Variants in UNC13C observed in about 807,000 individuals in gnomAD.
UNC13C encodes unc-13 homolog C.
UNC13C carries 174 observed loss-of-function variants against 245.4 expected under a neutral mutation model. The ratio of observed to expected loss-of-function variants is 0.71; its 90% CI spans 0.63 to 0.80. UNC13C has a LOEUF of 0.80. Ranked by LOEUF, UNC13C falls within the 30% of genes least tolerant of loss-of-function variation. The probability of loss-of-function intolerance (pLI) is 0.00; values close to 1 mark genes in which losing one functional copy is unlikely to be tolerated. For synonymous variants in UNC13C, 992 were observed against 895.1 expected (o/e 1.11, Z -1.93); for missense variants, 2,829 against 2,602.9 (o/e 1.09, Z -1.89).
chr15:54,589,149 G>GT (rs1211684413), intron 30 of UNC13C, among the ~76,000 whole-genome samples: 1 of 151,882 alleles, frequency 6.6e-6, no homozygotes, highest in African/African-American at 2.4e-5. Context: ...AACATCTACT[G>GT]TTTTTTTATT....
intron 4 of UNC13C, among the ~76,000 whole-genome samples, chr15:54,197,528 A>C (rs1450843878): frequency 2.6e-5 from 4 of 152,044 alleles, no homozygotes; most frequent in African/African-American, 9.7e-5. Flanking sequence ...AATATACAAA[A>C]CTCAATTGCA....
chr15:54,437,301 G>C (rs1303020645), intron 19 of UNC13C, among the ~76,000 whole-genome samples: 1 of 151,932 alleles, frequency 6.6e-6, no homozygotes, highest in African/African-American at 2.4e-5. Context: ...CAGCTGGCAA[G>C]CTTTACATAC....
At chr15:54,460,359 C>T (rs1020086950) in intron 19 of UNC13C, among the ~76,000 whole-genome samples, 2 of 152,176 alleles carry the variant, frequency 1.3e-5, no homozygotes, top group Non-Finnish European at 2.9e-5. Context: ...TGCTGGTTTT[C>T]TTGAATGCTG....
chr15:54,267,439 T>C (rs1303558246), intron 10 of UNC13C, among the ~76,000 whole-genome samples: 2 of 152,094 alleles, frequency 1.3e-5, no homozygotes, highest in Admixed American at 6.5e-5. Context: ...ACTATGGTAT[T>C]AGCTGTAGCT....
intron 17 of UNC13C, among the ~76,000 whole-genome samples, chr15:54,369,760 A>G (rs1402301924): frequency 6.6e-6 from 1 of 152,170 alleles, no homozygotes; most frequent in African/African-American, 2.4e-5. Flanking sequence ...GTCAACTTGC[A>G]TGCTATAAAG....
chr15:54,051,370 C>CT (rs1160810173), intron 2 of UNC13C, among the ~76,000 whole-genome samples: 1 of 151,970 alleles, frequency 6.6e-6, no homozygotes, highest in Non-Finnish European at 1.5e-5. Flanking sequence ...AAAAAGTGTA[C>CT]TTTTTTTATC....
the UNC13C span, among the ~76,000 whole-genome samples, chr15:53,850,585 T>C: frequency 6.6e-6 from 1 of 152,318 alleles, no homozygotes; most frequent in African/African-American, 2.4e-5. Context: ...CAATGTCTTT[T>C]ATTTCTGGCT....
intron 14 of UNC13C, among the ~76,000 whole-genome samples, chr15:54,324,347 A>T (rs1336063691): frequency 2.0e-5 from 3 of 152,054 alleles, no homozygotes; most frequent in Non-Finnish European, 4.4e-5. Context: ...ACACATTTTG[A>T]GACTCCAAAC....
intron 1 of UNC13C, among the ~76,000 whole-genome samples, chr15:54,010,610 G>A (rs1895339162): frequency 6.6e-6 from 1 of 152,146 alleles, no homozygotes; most frequent in Non-Finnish European, 1.5e-5. Flanking sequence ...GCTTATGGGA[G>A]TGACAGAAAA....
intron 1 of UNC13C, among the ~76,000 whole-genome samples, chr15:54,008,212 T>C (rs991495127): frequency 2.0e-5 from 3 of 152,194 alleles, no homozygotes; most frequent in Non-Finnish European, 4.4e-5. Flanking sequence ...TAAACACTAA[T>C]ATTAGTTTCC....
At chr15:54,426,883 G>A (rs1032594477) in intron 19 of UNC13C, among the ~76,000 whole-genome samples, 1 of 151,698 alleles carries the variant, frequency 6.6e-6, no homozygotes, top group African/African-American at 2.4e-5. Context: ...AGAATTTCCT[G>A]GTACATAGTA....
rs1376186661 is a variant in UNC13C at position 54,546,813 on chromosome 15, C to T, written c.5788C>T (p.Gln1930Ter). 1 of 1,577,114 alleles carries T rather than the reference C, an allele frequency of 6.3e-7. No homozygotes were observed. Among genetic ancestry groups the T allele is most frequent in the Non-Finnish European group, 8.6e-7 (1 of 1,160,682 alleles). Residue 1930 changes from glutamine (Q) to a stop codon, truncating the protein, a stop_gained, in exon 27 of 33, where the codon CAA (glutamine) becomes TAA (stop). Transcript: ENST00000260323. LOFTEE classifies it high-confidence loss of function. ...GCTAGTTCTCAACAAAATAGAAAAA[C>T]AAATTGTTCTTCCTCCTCTGACAGA... The part of the protein sequence containing the change: ...WKLVLNKIEK[Q>*]IVLPPLTDQT...
chr15:54,290,116 C>T (rs1567163328), intron 10 of UNC13C, among the ~76,000 whole-genome samples: 1 of 152,090 alleles, frequency 6.6e-6, no homozygotes, highest in Admixed American at 6.6e-5. Flanking sequence ...AGCAGCCTCA[C>T]TCTTACCTTT....
chr15:54,075,414 GCGGAGC>G (rs1898546800), intron 2 of UNC13C, among the ~76,000 whole-genome samples: 2 of 121,340 alleles, frequency 1.6e-5, no homozygotes, highest in African/African-American at 7.6e-5. Flanking sequence ...GAACCTGAAG[GCGGAGC>G]TTGCAGTGAG....
At chr15:53,937,813 C>A in the UNC13C span, among the ~76,000 whole-genome samples, 71 of 152,240 alleles carry the variant, frequency 4.7e-4, 2 homozygotes, top group South Asian at 0.014. Context: ...GAACAATGTT[C>A]CTTTCAGATA....
At chr15:53,955,208 G>C in the UNC13C span, among the ~76,000 whole-genome samples, 3 of 151,534 alleles carry the variant, frequency 2.0e-5, no homozygotes, top group African/African-American at 7.3e-5. Flanking sequence ...ATGCTGAATT[G>C]CTTTGTGAAG....
chr15:53,897,305 C>T, the UNC13C span, among the ~76,000 whole-genome samples: 31 of 152,082 alleles, frequency 2.0e-4, no homozygotes, highest in Non-Finnish European at 3.1e-4. Flanking sequence ...GGACTGGATC[C>T]GGAAAATGGT....
intron 4 of UNC13C, among the ~76,000 whole-genome samples, chr15:54,233,209 G>A (rs912271737): frequency 2.0e-5 from 3 of 152,082 alleles, no homozygotes; most frequent in African/African-American, 7.2e-5. Context: ...TGGGCAATGA[G>A]GGAAATCATA....
chr15:54,156,773 G>T (rs567783011), intron 4 of UNC13C, among the ~76,000 whole-genome samples: 3 of 85,194 alleles, frequency 3.5e-5, no homozygotes, highest in African/African-American at 1.5e-4. Context: ...CTGCAACTGT[G>T]GTTCAAAACT....
Sources: gnomAD v4.1 joint callset for allele counts (sites outside exome capture counted in the v4.1 genomes callset) on GRCh38, gnomAD v4.1.1 for gene constraint, MANE v1.5 for transcripts, NCBI Gene and HGNC (gene_info 2026-07-23, HGNC 2026-07-21) for gene names.